The following DICER1 variants were observed in gnomAD, a reference collection of about 807,000 sequenced individuals.
DICER1 encodes the protein endoribonuclease Dicer.
Under a neutral mutation model 194.1 loss-of-function variants are expected in DICER1, and 43 were observed. That is an observed-to-expected ratio of 0.22 (90% confidence interval 0.17 to 0.29). The LOEUF is 0.29. Among genes scored for constraint, DICER1 ranks in the 10% least tolerant of loss-of-function variants. The pLI, the probability that DICER1 is intolerant of heterozygous loss-of-function variation, is 1.00. For missense variants in DICER1, 1,608 were observed against 2,317.0 expected (o/e 0.69, Z 6.28); for synonymous variants, 832 against 820.5 (o/e 1.01, Z -0.24).
At chr14:95,128,471 T>A (rs1018754189) in intron 6 of DICER1, among the ~76,000 whole-genome samples, 2 of 152,178 alleles carry the variant, frequency 1.3e-5, no homozygotes, top group South Asian at 4.2e-4. Flanking sequence ...GTCGTAAGAT[T>A]TATATTTCAC....
Position 95,086,424 on chromosome 14 carries a change from T to C in DICER1, c.*4074A>G. On this transcript the variant is annotated 3_prime_UTR_variant, in exon 27 of 27. Coordinates refer to ENST00000343455, the MANE Select transcript of DICER1 (RefSeq NM_177438.3). ...ATATTTTATTGTCAATCAAATAATA[T>C]GCATTAGTTTTACTTGATTTTAGTA... 1 of 233,368 alleles carries C rather than the reference T, an allele frequency of 4.3e-6. No homozygotes were observed. The highest frequency in any genetic ancestry group is 8.5e-6 in the Non-Finnish European group (1 of 117,890). 14.5% of individuals were successfully genotyped at this position (233,368 alleles called of 1,614,324 possible). A position where few individuals can be genotyped will look rare whatever the true frequency, so the allele number is the denominator to read the frequency against.
In DICER1 at chr14:95,086,276, A is replaced by C. The variant is rs930259829; in HGVS notation, c.*4222T>G. On this transcript the variant is annotated 3_prime_UTR_variant, in exon 27 of 27. Coordinates refer to ENST00000343455, the MANE Select transcript of DICER1 (RefSeq NM_177438.3). ...AGATTTACTTGGCTACAATTATTAC[A>C]AAAAAAACAACTAAAGGTAATTGTG... 3 of 230,774 alleles carry C rather than the reference A, an allele frequency of 1.3e-5. No homozygotes were observed. Among genetic ancestry groups the C allele is most frequent in the Non-Finnish European group, 2.6e-5 (3 of 116,746 alleles). 14.3% of individuals were successfully genotyped at this position (230,774 alleles called of 1,614,324 possible). A position where few individuals can be genotyped will look rare whatever the true frequency, so the allele number is the denominator to read the frequency against.
At chr14:95,112,475 T>C (rs1892065582) in intron 12 of DICER1, among the ~76,000 whole-genome samples, 2 of 152,212 alleles carry the variant, frequency 1.3e-5, no homozygotes, top group South Asian at 4.1e-4. Context: ...AATTAAGATT[T>C]TACAATTTTG....
intron 1 of DICER1, among the ~76,000 whole-genome samples, chr14:95,137,202 G>T (rs1250454901): frequency 6.7e-6 from 1 of 148,842 alleles, no homozygotes; most frequent in African/African-American, 2.5e-5. Flanking sequence ...AAGGGGAAGG[G>T]GAAAGGAAAA....
intron 22 of DICER1, among the ~76,000 whole-genome samples, chr14:95,099,153 GGT>G (rs779187201): frequency 5.3e-5 from 8 of 152,160 alleles, no homozygotes; most frequent in Non-Finnish European, 1.2e-4. Context: ...CCACTGCGCT[GGT>G]TCCTGCAGTT....
At chr14:95,119,870 T>C (rs947233588) in intron 8 of DICER1, among the ~76,000 whole-genome samples, 1 of 152,248 alleles carries the variant, frequency 6.6e-6, no homozygotes, top group African/African-American at 2.4e-5. Flanking sequence ...TAAGAGTTTC[T>C]AAATGCTTCT....
In DICER1 at chr14:95,099,885, G is replaced by A. The variant is rs370897400; in HGVS notation, c.4101C>T (p.Ser1367=). ...GATCAAATATTGACACCACCATGCG[G>A]CTGGGTAGTCCCTTCTTTTTTCCAA... ...YRLGKKKGLP[S]RMVVSIFDPP... Residue 1367 remains serine, a synonymous_variant, in exon 22 of 27, where the codon AGC becomes AGT. Coordinates refer to ENST00000343455, the MANE Select transcript of DICER1 (RefSeq NM_177438.3). 7 of 1,613,902 alleles carry A rather than the reference G, an allele frequency of 4.3e-6. No individual in the cohort carries two copies. In the African/African-American group the frequency reaches 8.0e-5, roughly 18 times the overall value.
intron 22 of DICER1, among the ~76,000 whole-genome samples, chr14:95,097,373 C>G (rs768320159): frequency 6.6e-6 from 1 of 152,106 alleles, no homozygotes; most frequent in South Asian, 2.1e-4. Flanking sequence ...TGAGAAGTTA[C>G]GTTTTTTCCC....
Position 95,107,584 on chromosome 14 carries a change from T to C in DICER1, c.2804+24A>G, listed in dbSNP as rs1566775646. On this transcript the variant is annotated intron_variant, in intron 17 of 26. Transcript: ENST00000343455. ...TTTTAAAACAAAGTATCACCACCAT[T>C]TTCCTTTCCATTTAAATACCTACCT... 2.5e-6 allele frequency: 4 copies of C among 1,612,908 alleles called. No homozygotes were observed. The East Asian group carries it at 8.9e-5, about 36-fold the overall frequency.
chr14:95,154,866 CA>C (rs77879997), intron 1 of DICER1, among the ~76,000 whole-genome samples: 1,033 of 65,662 alleles, frequency 0.016, 10 homozygotes, highest in South Asian at 0.12. Flanking sequence ...TTTACCATGC[CA>C]AAAAAAAAAA....
rs555563442 is a variant in DICER1, at chr14:95,152,988, G to A, written c.-46+4242C>T. On this transcript the variant is annotated intron_variant, in intron 1 of 26. Transcript: ENST00000343455. Reference sequence around the variant, plus strand: ...TCCCAGCACTTTGGGAGGCCGAGACGGGAGGATCACGAGGTCAGGAGATCA... The same window carrying A: ...TCCCAGCACTTTGGGAGGCCGAGACAGGAGGATCACGAGGTCAGGAGATCA... Among the ~76,000 whole-genome samples the A allele has an allele frequency of 1.7e-4, 26 of 152,068 alleles. No homozygotes were observed. The East Asian group carries it at 4.8e-3, about 28-fold the overall frequency.
At chr14:95,118,240 G>C (rs569228758) in intron 8 of DICER1, among the ~76,000 whole-genome samples, 4 of 152,246 alleles carry the variant, frequency 2.6e-5, no homozygotes, top group African/African-American at 9.6e-5. Context: ...ATACAGAAAG[G>C]ACCAGTGAGC....
rs578164776 is a variant in DICER1 at position 95,089,200 on chromosome 14, GT to G, written c.*1297del. ...GAAACTTAGGCAAATGCCTAAAGAA[GT>G]TTTTTTTTTTTTCCTTTTCCAAAGA... On this transcript the variant is annotated 3_prime_UTR_variant, in exon 27 of 27. Coordinates refer to ENST00000343455, the MANE Select transcript of DICER1 (RefSeq NM_177438.3). 2,395 of 203,372 alleles carry G rather than the reference GT, an allele frequency of 0.012. 1 individual carries two copies. Among genetic ancestry groups the G allele is most frequent in the Middle Eastern group, 0.021 (13 of 628 alleles). 12.6% of individuals were successfully genotyped at this position (203,372 alleles called of 1,614,324 possible).
At chr14:95,149,179 A>C (rs1436045319) in intron 1 of DICER1, among the ~76,000 whole-genome samples, 2 of 152,166 alleles carry the variant, frequency 1.3e-5, no homozygotes, top group Admixed American at 1.3e-4. Context: ...AGGAGCCACA[A>C]TTTTCTCTTT....
In DICER1 at chr14:95,111,376, C is replaced by T. The variant is rs2140067638; in HGVS notation, c.2197G>A (p.Glu733Lys). The change falls in exon 14 of 27, where the codon GAG becomes AAG. Residue 733 changes from glutamate to lysine, a missense_variant. By Grantham distance (56) the Glu-to-Lys change is moderately conservative. Transcript: ENST00000343455. ...CCTGGTCTTCCTGGAACACTGGTCT[C>T]TTCTTCATCATGCAAATCAAGCTCC... ...EEELDLHDEE[E>K]TSVPGRPGST... The T allele has an allele frequency of 6.2e-7, 1 of 1,614,196 alleles. No individual in the cohort carries two copies.
chr14:95,088,977 T>C lies in DICER1; in HGVS notation c.*1521A>G, dbSNP rs551810526. The C allele has an allele frequency of 4.3e-6, 1 of 233,356 alleles. No individual in the cohort carries two copies. Among genetic ancestry groups the C allele is most frequent in the Non-Finnish European group, 8.5e-6 (1 of 118,016 alleles). The allele number at this position is 233,356 out of a possible 1,614,324, so 14.5% of individuals were successfully genotyped here. A position where few individuals can be genotyped will look rare whatever the true frequency, so the allele number is the denominator to read the frequency against. ...GCAAATTGCAGCAAACCTCTACTGG[T>C]ATGTTGATGGGAGTGCAAGACTGAC... is the stretch of plus-strand genomic sequence containing the variant. On this transcript the variant is annotated 3_prime_UTR_variant, in exon 27 of 27. Coordinates refer to ENST00000343455, the MANE Select transcript of DICER1 (RefSeq NM_177438.3).
rs762677393 is a variant in DICER1 at position 95,099,797 on chromosome 14, A to G, written c.4189T>C (p.Trp1397Arg). The change falls in exon 22 of 27, where the codon TGG becomes CGG. Residue 1397 changes from tryptophan (W) to arginine (R), a missense_variant. Around this residue, in one of 10 missense-constraint regions of DICER1, gnomAD observed 164 missense variants for 183.7 expected, o/e 0.89. Transcript: ENST00000343455. Reference sequence around the variant, plus strand: ...AAACTTACCATTTCATCTTTTTCCCATTTATCTGTGTTGCTTTTGTCTTGA... The same window carrying G: ...AAACTTACCATTTCATCTTTTTCCCGTTTATCTGTGTTGCTTTTGTCTTGA... ...VNQDKSNTDK[W>R]EKDEMTKDCM... 15 of 1,612,770 alleles carry G rather than the reference A, an allele frequency of 9.3e-6. No homozygotes were observed. The highest frequency in any genetic ancestry group is 1.3e-5 in the African/African-American group (1 of 74,398).
intron 22 of DICER1, among the ~76,000 whole-genome samples, chr14:95,097,373 C>T (rs768320159): frequency 3.9e-5 from 6 of 152,106 alleles, no homozygotes; most frequent in Middle Eastern, 3.2e-3. Context: ...TGAGAAGTTA[C>T]GTTTTTTCCC....
intron 22 of DICER1, 49 bp from the exon 23 acceptor site, chr14:95,096,762 T>A (rs1488616607): frequency 6.5e-7 from 1 of 1,548,872 alleles, no homozygotes; most frequent in Non-Finnish European, 8.7e-7. Flanking sequence ...CTGCTGTTTT[T>A]AAAAGGGTTT....
Sources: gnomAD v4.1 joint callset for allele counts (sites outside exome capture counted in the v4.1 genomes callset) on GRCh38, gnomAD v4.1.1 for gene constraint, gnomAD v4.1.1 regional missense constraint, MANE v1.5 for transcripts, NCBI Gene and HGNC (gene_info 2026-07-23, HGNC 2026-07-21) for gene names.